DPP10: variants seen among roughly 807,000 people sequenced by gnomAD.
The protein encoded by DPP10 is inactive dipeptidyl peptidase 10.
DPP10 carries 33 observed loss-of-function variants against 120.9 expected under a neutral mutation model. That is an observed-to-expected ratio of 0.27 (90% CI 0.21 to 0.37). The LOEUF is 0.37. Among genes scored for constraint, DPP10 ranks in the 10% least tolerant of loss-of-function variants. The pLI is 1.00. For missense variants in DPP10, 816 were observed against 942.8 expected (o/e 0.87, Z 1.76); for synonymous variants, 337 against 326.1 (o/e 1.03, Z -0.36).
intron 5 of DPP10, among the ~76,000 whole-genome samples, chr2:115,534,465 A>G (rs1320039206): frequency 6.6e-6 from 1 of 151,198 alleles, no homozygotes; most frequent in Non-Finnish European, 1.5e-5. Flanking sequence ...GCTGCATAGT[A>G]TTCCATGGTG....
intron 1 of DPP10, among the ~76,000 whole-genome samples, chr2:115,211,190 T>C (rs1441147554): frequency 1.3e-5 from 2 of 152,028 alleles, no homozygotes; most frequent in African/African-American, 4.8e-5. Flanking sequence ...AAAATCTTTT[T>C]CTCAGAAAGT....
chr2:115,423,096 TTAATA>T (rs779869884), intron 3 of DPP10, among the ~76,000 whole-genome samples: 51 of 152,106 alleles, frequency 3.4e-4, no homozygotes, highest in Non-Finnish European at 5.7e-4. Flanking sequence ...ATATAAACAT[TTAATA>T]TAACATATTT....
intron 5 of DPP10, among the ~76,000 whole-genome samples, chr2:115,680,159 G>A (rs1385096474): frequency 6.6e-6 from 1 of 151,614 alleles, no homozygotes; most frequent in Non-Finnish European, 1.5e-5. Context: ...TTTTCTAAAT[G>A]ACAAGAATAT....
intron 12 of DPP10, 94 bp downstream of exon 12, chr2:115,762,704 A>G: frequency 7.0e-7 from 1 of 1,436,290 alleles, no homozygotes; most frequent in South Asian, 1.2e-5. Flanking sequence ...GTATGAGTTT[A>G]AGGCTTTGCT....
At chr2:115,293,405 A>G (rs898492493) in intron 1 of DPP10, among the ~76,000 whole-genome samples, 9 of 152,232 alleles carry the variant, frequency 5.9e-5, no homozygotes, top group Admixed American at 2.0e-4. Context: ...TGGGAGGGCA[A>G]TGATGGTATT....
intron 1 of DPP10, among the ~76,000 whole-genome samples, chr2:114,942,044 C>T (rs775751021): frequency 7.3e-5 from 11 of 151,576 alleles, no homozygotes; most frequent in South Asian, 2.1e-4. Context: ...GAGGCTGAGG[C>T]GGTCAGATCA....
intron 1 of DPP10, among the ~76,000 whole-genome samples, chr2:114,598,942 C>T (rs1692144744): frequency 6.6e-6 from 1 of 151,700 alleles, no homozygotes; most frequent in Admixed American, 6.6e-5. Context: ...TTAGTTTCCT[C>T]CCGGTGGATA....
intron 1 of DPP10, among the ~76,000 whole-genome samples, chr2:114,457,032 C>T (rs1004514665): frequency 3.9e-5 from 6 of 152,052 alleles, no homozygotes; most frequent in South Asian, 4.1e-4. Context: ...TGAGAAGTTT[C>T]GAGAAAGAGT....
At chr2:115,750,300 G>A (rs1183268156) in intron 10 of DPP10, 2 of 693,700 alleles carry the variant, frequency 2.9e-6, no homozygotes, top group African/African-American at 1.9e-5. Context: ...GGCTCCTGGG[G>A]CAAGGAAAGA....
At chr2:115,397,335 C>T (rs1435268632) in intron 3 of DPP10, among the ~76,000 whole-genome samples, 1 of 152,152 alleles carries the variant, frequency 6.6e-6, no homozygotes, top group Non-Finnish European at 1.5e-5. Flanking sequence ...TATTTATTTG[C>T]ATCTTACTGT....
At chr2:115,220,900 A>G (rs900345887) in intron 1 of DPP10, among the ~76,000 whole-genome samples, 4 of 149,810 alleles carry the variant, frequency 2.7e-5, no homozygotes, top group Admixed American at 6.7e-5. Flanking sequence ...ATATATTCAT[A>G]TATCATATTT....
intron 1 of DPP10, among the ~76,000 whole-genome samples, chr2:114,912,703 G>A (rs774932286): frequency 6.6e-6 from 1 of 152,140 alleles, no homozygotes; most frequent in Admixed American, 6.6e-5. Context: ...ACTCATTTTG[G>A]CCCCAAGCAG....
chr2:115,363,331 A>T (rs2064894587), intron 3 of DPP10, among the ~76,000 whole-genome samples: 1 of 152,218 alleles, frequency 6.6e-6, no homozygotes, highest in Non-Finnish European at 1.5e-5. Context: ...TATTTAAAAG[A>T]TTTAAAAATG....
intron 3 of DPP10, among the ~76,000 whole-genome samples, chr2:115,367,807 C>A (rs1391256739): frequency 1.3e-5 from 2 of 151,766 alleles, no homozygotes; most frequent in Admixed American, 6.6e-5. Flanking sequence ...TATACTATAT[C>A]TAATAAAACT....
At chr2:115,587,621 G>T (rs1480111245) in intron 5 of DPP10, among the ~76,000 whole-genome samples, 1 of 152,070 alleles carries the variant, frequency 6.6e-6, no homozygotes, top group African/African-American at 2.4e-5. Context: ...GTTAATAATA[G>T]CCAAGATATA....
At chr2:114,682,421 T>C (rs1056437661) in intron 1 of DPP10, among the ~76,000 whole-genome samples, 1 of 152,068 alleles carries the variant, frequency 6.6e-6, no homozygotes, top group African/African-American at 2.4e-5. Context: ...CTTCATCTTT[T>C]CCATTTTTTC....
intron 1 of DPP10, among the ~76,000 whole-genome samples, chr2:114,477,453 ATATT>A (rs1238594320): frequency 6.6e-6 from 1 of 152,010 alleles, no homozygotes; most frequent in Non-Finnish European, 1.5e-5. Context: ...TACTGCATAT[ATATT>A]TATGCACACA....
chr2:114,935,677 T>G (rs1696407231), intron 1 of DPP10, among the ~76,000 whole-genome samples: 2 of 141,602 alleles, frequency 1.4e-5, no homozygotes, highest in South Asian at 5.0e-4. Context: ...TTCGGTTATT[T>G]GCTCAAGTGT....
At chr2:115,015,495 G>C (rs1702570002) in intron 1 of DPP10, among the ~76,000 whole-genome samples, 1 of 152,032 alleles carries the variant, frequency 6.6e-6, no homozygotes, top group Non-Finnish European at 1.5e-5. Context: ...TGGAAGTTCT[G>C]GCCAGGGCAA....
Sources: gnomAD v4.1 joint callset for allele counts (sites outside exome capture counted in the v4.1 genomes callset) on GRCh38, gnomAD v4.1.1 for gene constraint, MANE v1.5 for transcripts, NCBI Gene and HGNC (gene_info 2026-07-23, HGNC 2026-07-21) for gene names.